The following SEM1 variants were observed in gnomAD, a reference collection of about 807,000 sequenced individuals.
SEM1 encodes the protein 26S proteasome complex subunit SEM1.
A neutral mutation model predicts 12.7 loss-of-function variants in SEM1; 3 were observed. The observed-to-expected ratio is 0.24, with a 90% confidence interval of 0.11 to 0.61. SEM1 has a LOEUF of 0.61. Among genes scored for constraint, SEM1 ranks in the 20% least tolerant of loss-of-function variants. The pLI is 0.88. For missense variants in SEM1, 59 were observed against 81.3 expected (o/e 0.73, Z 1.06); for synonymous variants, 30 against 27.8 (o/e 1.08, Z -0.25).
rs149048686 is a variant in SEM1, at chr7:96,704,083, G to A, written c.76+5605C>T. On this transcript the variant is annotated intron_variant, in intron 1 of 2. Transcript: ENST00000248566. ...ACTAGTTAAATAGACTATTTAAGAT[G>A]AACACAATGAGGGCATGAGGTAGAT... Among the ~76,000 whole-genome samples the A allele has an allele frequency of 1.7e-3, 254 of 151,148 alleles. 1 individual carries two copies. The highest frequency in any genetic ancestry group is 5.7e-3 in the African/African-American group (234 of 41,076).
At chr7:96,674,488 C>G (rs1310441331) in intron 2 of SEM1, among the ~76,000 whole-genome samples, 2 of 151,842 alleles carry the variant, frequency 1.3e-5, no homozygotes, top group Non-Finnish European at 2.9e-5. Flanking sequence ...GAGACTCTTT[C>G]TCTAAAAAAA....
rs547311129 is a variant in SEM1 at position 96,694,091 on chromosome 7, C to T, written c.170+707G>A. Among the ~76,000 whole-genome samples the T allele has an allele frequency of 1.6e-3, 244 of 151,960 alleles. 1 individual carries two copies. The highest frequency in any genetic ancestry group is 5.7e-3 in the African/African-American group (237 of 41,488). The stretch of plus-strand genomic sequence containing the variant: ...TATGCTAAGTGAAAAAAGGTACGCA[C>T]GCAAGGTCACAATATTGTATGATTT... On this transcript the variant is annotated intron_variant, in intron 2 of 2. Coordinates refer to ENST00000248566, the MANE Select transcript of SEM1 (RefSeq NM_006304.2).
In SEM1 at chr7:96,494,628, A is replaced by G. The variant is rs544683572; in HGVS notation, c.12+1656T>C. On this transcript the variant is annotated intron_variant, in intron 1 of 3. Coordinates refer to the SEM1 transcript ENST00000356686. ...TTAGGACATGGGTGTTAGAATCACA[A>G]CATTAACCAATTCAAGTTTAAGAAC... 3.7e-4 allele frequency among the ~76,000 whole-genome samples: 56 copies of G among 152,284 alleles called. 1 individual carries two copies. Among genetic ancestry groups the G allele is most frequent in the African/African-American group, 1.3e-3 (53 of 41,568 alleles).
chr7:96,552,895 T>G (rs1475743239), intron 2 of SEM1, among the ~76,000 whole-genome samples: 1 of 149,412 alleles, frequency 6.7e-6, no homozygotes, highest in Admixed American at 6.6e-5. Context: ...TTCTAACTGG[T>G]GTGAGATGGT....
intron 3 of SEM1, among the ~76,000 whole-genome samples, chr7:96,504,200 T>C (rs1038679936): frequency 3.3e-5 from 5 of 152,114 alleles, no homozygotes; most frequent in Non-Finnish European, 7.4e-5. Context: ...ACAGGTATGT[T>C]GTTTGAACAA....
chr7:96,531,980 T>C (rs1292512921), intron 2 of SEM1, among the ~76,000 whole-genome samples: 1 of 152,138 alleles, frequency 6.6e-6, no homozygotes, highest in Non-Finnish European at 1.5e-5. Flanking sequence ...TCAATTCTTC[T>C]GGAAAGTTAG....
chr7:96,658,441 T>A (rs1396507259), intron 2 of SEM1, among the ~76,000 whole-genome samples: 4 of 152,240 alleles, frequency 2.6e-5, no homozygotes, highest in African/African-American at 7.2e-5. Context: ...CTGATCTGAA[T>A]TTTTGAAGTC....
chr7:96,532,004 G>A (rs1804656471), intron 2 of SEM1, among the ~76,000 whole-genome samples: 2 of 151,834 alleles, frequency 1.3e-5, no homozygotes, highest in African/African-American at 2.4e-5. Context: ...TCCTTTTCTT[G>A]AGATCCCATG....
upstream of SEM1, among the ~76,000 whole-genome samples, chr7:96,500,767 A>G (rs549746006): frequency 6.6e-6 from 1 of 152,270 alleles, no homozygotes; most frequent in South Asian, 2.1e-4. Context: ...TTCTTCTCGT[A>G]TCCTGTAGCA....
intron 2 of SEM1, among the ~76,000 whole-genome samples, chr7:96,508,375 TA>T (rs1387992083): frequency 6.6e-6 from 1 of 152,070 alleles, no homozygotes; most frequent in Non-Finnish European, 1.5e-5. Context: ...AATGATATCA[TA>T]ACAATGTAAT....
chr7:96,521,224 G>C (rs1353029270), intron 2 of SEM1, among the ~76,000 whole-genome samples: 1 of 152,072 alleles, frequency 6.6e-6, no homozygotes, highest in Non-Finnish European at 1.5e-5. Context: ...ACTCTCTCCA[G>C]CTTTTATCAG....
intron 2 of SEM1, among the ~76,000 whole-genome samples, chr7:96,507,225 G>A (rs1444835500): frequency 2.0e-5 from 3 of 151,976 alleles, no homozygotes; most frequent in African/African-American, 4.8e-5. Flanking sequence ...TATATATAAT[G>A]TTTTCAAATG....
At chr7:96,617,705 A>G (rs1807763879), downstream of SEM1, among the ~76,000 whole-genome samples, 1 of 152,162 alleles carries the variant, frequency 6.6e-6, no homozygotes, top group African/African-American at 2.4e-5. Flanking sequence ...ATGTTGAGGT[A>G]TGTTTCTTCT....
At chr7:96,509,150 C>T (rs969076319) in intron 2 of SEM1, among the ~76,000 whole-genome samples, 1 of 134,132 alleles carries the variant, frequency 7.5e-6, no homozygotes, top group African/African-American at 3.0e-5. Context: ...CCACGTCCAG[C>T]TAATTTTTTT....
intron 2 of SEM1, among the ~76,000 whole-genome samples, chr7:96,659,923 A>AC (rs1563101796): frequency 8.1e-5 from 12 of 148,374 alleles, no homozygotes; most frequent in Non-Finnish European, 1.3e-4. Flanking sequence ...CAAAAAAAAA[A>AC]AAAAAAACAA....
At chr7:96,591,420 AAC>A (rs2116137015) in intron 2 of SEM1, among the ~76,000 whole-genome samples, 1 of 152,352 alleles carries the variant, frequency 6.6e-6, no homozygotes, top group East Asian at 1.9e-4. Context: ...GCCTCCCTCT[AAC>A]AGAGTTAAAA....
rs1346541723 is a variant in SEM1, at chr7:96,694,856, C to G, written c.112G>C (p.Val38Leu). The change falls in exon 2 of 3, where the codon GTC becomes CTC. Residue 38 changes from valine to leucine, a missense_variant. Val to Leu is a conservative substitution (Grantham distance 32). Transcript: ENST00000248566. ...TCATCATCCCAATTATCCTCCCAGA[C>G]ATGTGCATCTTCATCTTCATCTAAG... ...AGLDEDEDAH[V>L]WEDNWDDDNV... The G allele has an allele frequency of 6.2e-7, 1 of 1,611,230 alleles. No individual in the cohort carries two copies. Among genetic ancestry groups the G allele is most frequent in the East Asian group, 2.2e-5 (1 of 44,762 alleles).
At chr7:96,675,730 A>C (rs558220077) in intron 2 of SEM1, among the ~76,000 whole-genome samples, 1 of 152,214 alleles carries the variant, frequency 6.6e-6, no homozygotes, top group South Asian at 2.1e-4. Flanking sequence ...GGGCCAGGCA[A>C]TCAAATATCA....
chr7:96,540,049 C>T (rs529334538), intron 2 of SEM1, among the ~76,000 whole-genome samples: 102 of 150,610 alleles, frequency 6.8e-4, no homozygotes, highest in Admixed American at 1.3e-3. Flanking sequence ...TCATCACAAA[C>T]GATAAATTTA....
Sources: gnomAD v4.1 joint callset for allele counts (sites outside exome capture counted in the v4.1 genomes callset) on GRCh38, gnomAD v4.1.1 for gene constraint, MANE v1.5 for transcripts, NCBI Gene and HGNC (gene_info 2026-07-23, HGNC 2026-07-21) for gene names.